CRHBP: variants seen among roughly 807,000 people sequenced by gnomAD.
The protein encoded by CRHBP is corticotropin releasing hormone binding protein, also known as corticotropin-releasing hormone-binding protein.
A neutral mutation model predicts 34.9 loss-of-function variants in CRHBP; 19 were observed. The ratio of observed to expected loss-of-function variants is 0.55; its 90% confidence interval spans 0.38 to 0.80. The LOEUF is 0.80. Among genes scored for constraint, CRHBP ranks in the 30% least tolerant of loss-of-function variants. The pLI is 0.00. For synonymous variants in CRHBP, 154 were observed against 153.4 expected (o/e 1.00, Z -0.03); for missense variants, 328 against 409.2 (o/e 0.80, Z 1.71).
chr5:76,953,723 G>A (rs1464296206), intron 2 of CRHBP, 29 bp downstream of exon 2: 4 of 1,576,146 alleles, frequency 2.5e-6, no homozygotes, highest in East Asian at 2.3e-5. Flanking sequence ...GCTCGCGGGC[G>A]CCCGGGACGC....
downstream of CRHBP, among the ~76,000 whole-genome samples, chr5:76,969,934 C>CTTTTTTTTT (rs201228247): frequency 9.7e-5 from 6 of 61,634 alleles, no homozygotes; most frequent in Non-Finnish European, 1.7e-4. Context: ...AAAGAAAATT[C>CTTTTTTTTT]TTTTTTTTTT....
At chr5:76,966,287 G>A (rs1210081179) in intron 6 of CRHBP, among the ~76,000 whole-genome samples, 5 of 152,150 alleles carry the variant, frequency 3.3e-5, no homozygotes, top group Admixed American at 3.3e-4. Flanking sequence ...CAAAGTGCTG[G>A]GATTACAGGT....
chr5:76,976,877 G>T (rs769595946), intron 3 of CRHBP, among the ~76,000 whole-genome samples: 1 of 152,044 alleles, frequency 6.6e-6, no homozygotes, highest in Non-Finnish European at 1.5e-5. Flanking sequence ...TCTTGAAATG[G>T]CTTTACCTCT....
chr5:76,973,882 C>T (rs1745982288), downstream of CRHBP, among the ~76,000 whole-genome samples: 1 of 152,072 alleles, frequency 6.6e-6, no homozygotes, highest in Non-Finnish European at 1.5e-5. Flanking sequence ...CAGCTCACTG[C>T]AATCTCTGCC....
intron 6 of CRHBP, among the ~76,000 whole-genome samples, chr5:76,968,336 A>G (rs1432390519): frequency 6.6e-6 from 1 of 151,900 alleles, no homozygotes; most frequent in Non-Finnish European, 1.5e-5. Context: ...CTGTCCTTAG[A>G]GGGCCGTACT....
At chr5:76,975,825 A>AAAAAAAAAAAAAAAATATATATAT in intron 2 of CRHBP, among the ~76,000 whole-genome samples, 1 of 61,860 alleles carries the variant, frequency 1.6e-5, no homozygotes, top group African/African-American at 9.1e-5. Context: ...AAAAAAAAAA[A>AAAAAAAAAAAAAAAATATATATAT]ATATATATAT....
intron 2 of CRHBP, among the ~76,000 whole-genome samples, chr5:76,974,640 A>G (rs1318983401): frequency 6.6e-6 from 1 of 152,162 alleles, no homozygotes; most frequent in East Asian, 1.9e-4. Flanking sequence ...TTATATCTGA[A>G]TACACTTTTA....
chr5:76,953,472 G>A, intron 1 of CRHBP, 129 bp from the exon 2 acceptor site: 2 of 1,056,086 alleles, frequency 1.9e-6, no homozygotes, highest in Non-Finnish European at 2.9e-6. Context: ...GTCTTCTCCG[G>A]ACACGGGAAA....
Position 76,958,995 on chromosome 5 carries a change from G to T in CRHBP, c.693+106G>T, listed in dbSNP as rs982316447. ...GGACACTAGCAAATTGGCGTAGTAC[G>T]TTGCTCTGATGAACTCTTAAATCTC... On this transcript the variant is annotated intron_variant, in intron 5 of 6. Coordinates refer to ENST00000274368, the MANE Select transcript of CRHBP (RefSeq NM_001882.4). The T allele has an allele frequency of 5.9e-6, 7 of 1,191,144 alleles. No homozygotes were observed. The Admixed American group carries it at 8.1e-5, about 14-fold the overall frequency. The allele number at this position is 1,191,144 out of a possible 1,614,324, so 73.8% of individuals were successfully genotyped here.
rs116235782 is a variant in CRHBP, at chr5:76,961,757, T to C, written c.694-1586T>C. On this transcript the variant is annotated intron_variant, in intron 5 of 6. Coordinates refer to ENST00000274368, the MANE Select transcript of CRHBP (RefSeq NM_001882.4). ...CTGTGTTTTTTTGTTTGTTTTGTTTTGTTTTGTTTTTTCGGAGACAGAGTC... is the reference window on the plus strand; with the variant it reads ...CTGTGTTTTTTTGTTTGTTTTGTTTCGTTTTGTTTTTTCGGAGACAGAGTC... Among the ~76,000 whole-genome samples the C allele has an allele frequency of 9.2e-3, 1,405 of 152,186 alleles. 21 individuals are homozygous for C. Among genetic ancestry groups the C allele is most frequent in the African/African-American group, 0.032 (1,344 of 41,494 alleles).
chr5:76,979,497 C>T (rs962195430), intron 3 of CRHBP, among the ~76,000 whole-genome samples: 1 of 152,056 alleles, frequency 6.6e-6, no homozygotes, highest in African/African-American at 2.4e-5. Flanking sequence ...ATTACAGGCA[C>T]GTGCCACCGC....
rs1745597033 is a variant in CRHBP at position 76,953,197 on chromosome 5, G to A, written c.63G>A (p.Gly21=). The change falls in exon 1 of 7, where the codon GGG becomes GGA. Residue 21 remains glycine, a synonymous_variant. Transcript: ENST00000274368. ...TCATCTTCCTGACGGCTCTAAGAGG[G>A]GAAAGCCGGTACCTAGAGGTGAGCC... ...FILIFLTALR[G]ESRYLELREA... is the part of the protein sequence containing the mutation. 6.2e-7 allele frequency: 1 copy of A among 1,614,118 alleles called. No individual in the cohort carries two copies. The highest frequency in any genetic ancestry group is 8.5e-7 in the Non-Finnish European group (1 of 1,179,966).
At chr5:76,954,308 C>G (rs533984056) in intron 3 of CRHBP, 122 bp downstream of exon 3, 2 of 1,203,792 alleles carry the variant, frequency 1.7e-6, no homozygotes, top group Non-Finnish European at 2.3e-6. Context: ...TTCTTAGACA[C>G]TTCGCTGGTG....
chr5:76,981,150 A>G (rs1290522183), exon 4 of CRHBP: 3 of 152,194 alleles, frequency 2.0e-5, no homozygotes, highest in African/African-American at 7.2e-5. Context: ...AAATATCTCT[A>G]AAAAGAGGAG....
At chr5:76,976,836 T>C (rs1746041317) in intron 3 of CRHBP, among the ~76,000 whole-genome samples, 1 of 152,234 alleles carries the variant, frequency 6.6e-6, no homozygotes, top group African/African-American at 2.4e-5. Flanking sequence ...GAAAATAGCT[T>C]GTTTTTATAA....
At chr5:76,955,510 G>A (rs1294727997) in intron 3 of CRHBP, 143 bp from the exon 4 acceptor site, 3 of 652,810 alleles carry the variant, frequency 4.6e-6, no homozygotes, top group Middle Eastern at 8.3e-4. Flanking sequence ...CAAATGAAAA[G>A]GCGAGCAGGC....
intron 4 of CRHBP, among the ~76,000 whole-genome samples, chr5:76,957,892 G>C (rs529161119): frequency 3.2e-4 from 48 of 152,164 alleles, no homozygotes; most frequent in African/African-American, 1.1e-3. Context: ...TGGCATGGGG[G>C]CTCACTCCTG....
At chr5:76,953,345 C>G in intron 1 of CRHBP, 130 bp downstream of exon 1, 1 of 908,880 alleles carries the variant, frequency 1.1e-6, no homozygotes, top group South Asian at 1.5e-5. Flanking sequence ...CTGTCTTGCC[C>G]CTGGTTTCCC....
intron 6 of CRHBP, among the ~76,000 whole-genome samples, chr5:76,964,046 T>C (rs1359020099): frequency 6.6e-6 from 1 of 152,180 alleles, no homozygotes; most frequent in Non-Finnish European, 1.5e-5. Flanking sequence ...ACTGGTTTAT[T>C]TGGCACAGCA....
Sources: allele counts gnomAD v4.1 joint callset (sites outside exome capture counted in the v4.1 genomes callset), GRCh38; gene constraint gnomAD v4.1.1; transcripts MANE v1.5; gene names NCBI Gene and HGNC (gene_info 2026-07-23, HGNC 2026-07-21).